The following EXT1 variants were observed in gnomAD, a reference collection of about 807,000 sequenced individuals.
EXT1 encodes the protein exostosin glycosyltransferase 1, also known as exostosin-1.
A neutral mutation model predicts 82.5 loss-of-function variants in EXT1; 20 were observed. The ratio of observed to expected loss-of-function variants is 0.24; its 90% CI spans 0.17 to 0.35. EXT1 has a LOEUF of 0.35. Ranked by LOEUF, EXT1 falls within the 10% of genes least tolerant of loss-of-function variation. The pLI is 1.00. For synonymous variants in EXT1, 348 were observed against 350.8 expected, an observed-to-expected ratio of 0.99 and a Z score of 0.09; for missense variants, 757 against 936.5, an observed-to-expected ratio of 0.81 and a Z score of 2.50.
chr8:118,103,108 G>A (rs192289919), intron 1 of EXT1, among the ~76,000 whole-genome samples: 189 of 152,238 alleles, frequency 1.2e-3, no homozygotes, highest in African/African-American at 4.1e-3. Flanking sequence ...AGCCGAGATC[G>A]CCCTATTGCA....
Position 117,933,015 on chromosome 8 carries a change from G to A in EXT1, c.963-95814C>T, listed in dbSNP as rs1384812910. Among the ~76,000 whole-genome samples the A allele has an allele frequency of 4.6e-5, 7 of 152,104 alleles. No homozygotes were observed. In the East Asian group the frequency reaches 1.4e-3, roughly 29 times the overall value. ...GGCCCCCTTCTGTTCCTTGAACAAA[G>A]CTCTCACCTGTCTCAGGGCCTTGAT... is the stretch of plus-strand genomic sequence containing the variant. On this transcript the variant is annotated intron_variant, in intron 1 of 10. Coordinates refer to ENST00000378204, the MANE Select transcript of EXT1 (RefSeq NM_000127.3).
chr8:117,906,132 C>A (rs1310942473), intron 1 of EXT1, among the ~76,000 whole-genome samples: 1 of 152,184 alleles, frequency 6.6e-6, no homozygotes, highest in South Asian at 2.1e-4. Context: ...GTATTTCTTA[C>A]AGCAGTTGTT....
At chr8:118,080,137 TCAGA>T (rs955593166) in intron 1 of EXT1, among the ~76,000 whole-genome samples, 28 of 152,336 alleles carry the variant, frequency 1.8e-4, no homozygotes, top group African/African-American at 2.4e-5. Flanking sequence ...GGTAGAGACC[TCAGA>T]CAATCATCAA....
intron 1 of EXT1, among the ~76,000 whole-genome samples, chr8:117,870,849 A>ACACACACACACACACACACAC (rs1563586218): frequency 1.3e-5 from 2 of 151,694 alleles, no homozygotes; most frequent in African/African-American, 4.9e-5. Flanking sequence ...ACACACACAC[A>ACACACACACACACACACACAC]AAAGATTGAA....
intron 1 of EXT1, among the ~76,000 whole-genome samples, chr8:118,066,554 T>C (rs934595426): frequency 6.6e-6 from 1 of 151,998 alleles, no homozygotes; most frequent in Non-Finnish European, 1.5e-5. Context: ...AGAGATGGGG[T>C]TTCACCATGT....
At chr8:118,108,980 G>A (rs1408022612) in intron 1 of EXT1, among the ~76,000 whole-genome samples, 27 of 152,136 alleles carry the variant, frequency 1.8e-4, no homozygotes, top group Admixed American at 1.7e-3. Flanking sequence ...CTGGCGTAAC[G>A]TGGAAATGCA....
chr8:117,962,064 C>T (rs760101741), intron 1 of EXT1, among the ~76,000 whole-genome samples: 47 of 152,224 alleles, frequency 3.1e-4, no homozygotes, highest in Admixed American at 7.2e-4. Flanking sequence ...TTTCCACTGC[C>T]TCAGATTTGT....
chr8:117,812,880 T>G lies in EXT1; in HGVS notation c.1714A>C (p.Thr572Pro). The G allele has an allele frequency of 6.2e-7, 1 of 1,614,004 alleles. No individual in the cohort carries two copies. The highest frequency in any genetic ancestry group is 8.5e-7 in the Non-Finnish European group (1 of 1,179,994). The change falls in exon 8 of 11, where the codon ACA (threonine) becomes CCA (proline). Residue 572 changes from threonine to proline, a missense_variant. This residue lies in a region of EXT1 where 207 missense variants were observed against 224.2 expected (regional missense o/e 0.92). Transcript: ENST00000378204. ...CAGGCATGGGTTCTTACCTCTGTTG[T>G]TGAAAGCACCGTGTCCTCGTCAAGG... is the stretch of plus-strand genomic sequence containing the variant. ...LSLDEDTVLS[T>P]TEVDFAFTVW...
chr8:118,091,517 T>C (rs963542828), intron 1 of EXT1, among the ~76,000 whole-genome samples: 2 of 151,970 alleles, frequency 1.3e-5, no homozygotes, highest in African/African-American at 4.8e-5. Context: ...GGCGGGCGGA[T>C]CACGAGGTCA....
At chr8:118,074,362 T>C (rs973036791) in intron 1 of EXT1, among the ~76,000 whole-genome samples, 7 of 152,162 alleles carry the variant, frequency 4.6e-5, no homozygotes, top group Non-Finnish European at 1.0e-4. Flanking sequence ...GAGCCAGGAA[T>C]GCATCCGAGG....
At chr8:118,074,685 A>T (rs1325743003) in intron 1 of EXT1, among the ~76,000 whole-genome samples, 2 of 152,172 alleles carry the variant, frequency 1.3e-5, no homozygotes, top group Admixed American at 1.3e-4. Flanking sequence ...TTCTCCAGGC[A>T]AGAGAAAGGG....
intron 1 of EXT1, among the ~76,000 whole-genome samples, chr8:117,840,618 G>GAAAAAAA (rs939631711): frequency 1.1e-5 from 1 of 89,690 alleles, no homozygotes. Context: ...ATCTCAAAAA[G>GAAAAAAA]AAAAAAAAAA....
At chr8:117,840,210 A>G (rs1300528002) in intron 1 of EXT1, among the ~76,000 whole-genome samples, 1 of 152,146 alleles carries the variant, frequency 6.6e-6, no homozygotes, top group African/African-American at 2.4e-5. Context: ...TCCATGACCA[A>G]CCCCTACTAG....
chr8:117,904,802 G>C (rs1813513132), intron 1 of EXT1, among the ~76,000 whole-genome samples: 1 of 151,576 alleles, frequency 6.6e-6, no homozygotes, highest in Admixed American at 6.6e-5. Context: ...GTTGGGGAGA[G>C]GGAAGTAGGA....
intron 7 of EXT1, among the ~76,000 whole-genome samples, chr8:117,814,184 T>C (rs1811750202): frequency 6.6e-6 from 1 of 151,552 alleles, no homozygotes; most frequent in Admixed American, 6.6e-5. Flanking sequence ...ATGCATAAAG[T>C]TTGGGCAGTT....
intron 1 of EXT1, among the ~76,000 whole-genome samples, chr8:117,987,748 G>A (rs1164226751): frequency 2.0e-5 from 3 of 152,162 alleles, no homozygotes; most frequent in Non-Finnish European, 2.9e-5. Flanking sequence ...CATAAGGGAG[G>A]CTGGGAGAGA....
rs539960493 is a variant in EXT1, at chr8:118,051,696, C to T, written c.962+58389G>A. ...CTAATCAATGTGTTTTCTCCCTTGA[C>T]TGTTTCCAAACACGGAGTGCTGGTC... On this transcript the variant is annotated intron_variant, in intron 1 of 10. Coordinates refer to ENST00000378204, the MANE Select transcript of EXT1 (RefSeq NM_000127.3). Among the ~76,000 whole-genome samples the T allele has an allele frequency of 2.4e-4, 36 of 152,330 alleles. No homozygotes were observed. In the South Asian group the frequency reaches 7.3e-3, roughly 31 times the overall value.
At chr8:117,915,828 C>A (rs10955840) in intron 1 of EXT1, among the ~76,000 whole-genome samples, 1 of 151,170 alleles carries the variant, frequency 6.6e-6, no homozygotes, top group Non-Finnish European at 1.5e-5. Context: ...TGCATTCCAG[C>A]GTGGGTGACA....
intron 1 of EXT1, among the ~76,000 whole-genome samples, chr8:117,997,268 CTTTATATATATAT>C (rs1355728246): frequency 1.0e-4 from 12 of 116,432 alleles, no homozygotes; most frequent in African/African-American, 3.6e-4. Context: ...TATATACACA[CTTTATATATATAT>C]ACTTTATATA....
Sources: gnomAD v4.1 joint callset for allele counts (sites outside exome capture counted in the v4.1 genomes callset) on GRCh38, gnomAD v4.1.1 for gene constraint, gnomAD v4.1.1 regional missense constraint, MANE v1.5 for transcripts, NCBI Gene and HGNC (gene_info 2026-07-23, HGNC 2026-07-21) for gene names.